Variants in CACNB4 observed in about 807,000 individuals in gnomAD.
The protein encoded by CACNB4 is voltage-dependent L-type calcium channel subunit beta-4.
CACNB4 carries 32 observed loss-of-function variants against 71.2 expected under a neutral mutation model. That is an observed-to-expected ratio of 0.45 (90% CI 0.34 to 0.60). CACNB4 has a LOEUF of 0.60. Ranked by LOEUF, CACNB4 falls within the 20% of genes least tolerant of loss-of-function variation. CACNB4 has a pLI of 0.01. For missense variants in CACNB4, 464 were observed against 647.9 expected (o/e 0.72, Z 3.08); for synonymous variants, 231 against 236.9 (o/e 0.97, Z 0.23).
intron 2 of CACNB4, among the ~76,000 whole-genome samples, chr2:152,079,175 G>A (rs1460506700): frequency 6.6e-6 from 1 of 151,968 alleles, no homozygotes; most frequent in Non-Finnish European, 1.5e-5. Flanking sequence ...TGTAAGCTCC[G>A]CCTCCCAGGT....
chr2:152,075,619 G>A (rs1248535514), intron 2 of CACNB4, among the ~76,000 whole-genome samples: 1 of 152,146 alleles, frequency 6.6e-6, no homozygotes, highest in Non-Finnish European at 1.5e-5. Flanking sequence ...CGTTTGACTT[G>A]GCCTGAGAGC....
rs368404498 is a variant in CACNB4, at chr2:152,058,052, C to T, written c.147+40278G>A. Among the ~76,000 whole-genome samples, 72 of 152,234 alleles carry T rather than the reference C, an allele frequency of 4.7e-4. 1 individual carries two copies. In the South Asian group the frequency reaches 0.015, roughly 31 times the overall value. On this transcript the variant is annotated intron_variant, in intron 2 of 13. Coordinates refer to ENST00000539935, the MANE Select transcript of CACNB4 (RefSeq NM_000726.5). ...CAAGGTCTGATGGTTTTATAAAGGG[C>T]TCTTCCCACTTTGCTCCTCACTCTT...
chr2:152,054,631 T>C, intron 2 of CACNB4, among the ~76,000 whole-genome samples: 1 of 152,202 alleles, frequency 6.6e-6, no homozygotes, highest in East Asian at 1.9e-4. Context: ...ACTCTATACT[T>C]AACCTTTTCA....
chr2:151,956,420 C>G (rs1414106737), intron 2 of CACNB4, among the ~76,000 whole-genome samples: 2 of 152,200 alleles, frequency 1.3e-5, no homozygotes, highest in African/African-American at 4.8e-5. Flanking sequence ...AAACATTATG[C>G]TAAGTGAAAG....
intron 12 of CACNB4, among the ~76,000 whole-genome samples, chr2:151,848,977 T>A (rs1314170949): frequency 6.6e-6 from 1 of 152,076 alleles, no homozygotes; most frequent in Non-Finnish European, 1.5e-5. Flanking sequence ...AGATGTATAA[T>A]GGCAATACAA....
At chr2:151,870,056 C>G (rs939884341) in intron 8 of CACNB4, 21 of 585,396 alleles carry the variant, frequency 3.6e-5, no homozygotes, top group African/African-American at 3.4e-4. Context: ...AACATGTGCC[C>G]TTTAAAATAA....
rs114650298 is a variant in CACNB4 at position 152,004,779 on chromosome 2, G to A, written c.147+93551C>T. Among the ~76,000 whole-genome samples, 337 of 152,300 alleles carry A rather than the reference G, an allele frequency of 2.2e-3. 1 individual carries two copies. Among genetic ancestry groups the A allele is most frequent in the African/African-American group, 7.5e-3 (310 of 41,564 alleles). On this transcript the variant is annotated intron_variant, in intron 2 of 13. Coordinates refer to ENST00000539935, the MANE Select transcript of CACNB4 (RefSeq NM_000726.5). ...TAGGGGAGGAGTCAGAGGCACTGTG[G>A]CAACCAGGTCACATCAGCATTCTTC...
Position 152,098,528 on chromosome 2 carries a change from C to T in CACNB4, c.64-115G>A. The T allele has an allele frequency of 7.3e-7, 1 of 1,361,070 alleles. No individual in the cohort carries two copies. Among genetic ancestry groups the T allele is most frequent in the South Asian group, 1.2e-5 (1 of 84,584 alleles). The allele number at this position is 1,361,070 out of a possible 1,614,324, so 84.3% of individuals were successfully genotyped here. ...ACCCGCTCCCTGGGGTCCCCTAGAG[C>T]CCGCACCCAAGTCTCCTCCGCGACT... On this transcript the variant is annotated intron_variant, in intron 1 of 13. Transcript: ENST00000539935. This position sits in a 1 kb window ranked among gnomAD's most constrained non-coding sequence, Gnocchi z 5.3.
At chr2:151,862,141 C>T (rs1440444488) in intron 9 of CACNB4, among the ~76,000 whole-genome samples, 1 of 152,130 alleles carries the variant, frequency 6.6e-6, no homozygotes, top group Non-Finnish European at 1.5e-5. Flanking sequence ...CACCCATTCT[C>T]TTCTGTTTTC....
chr2:151,880,628 T>C (rs1232638788), intron 4 of CACNB4, 172 bp downstream of exon 4: 2 of 660,224 alleles, frequency 3.0e-6, no homozygotes. Flanking sequence ...CAAGCAATGA[T>C]CTCAGACTTC....
intron 2 of CACNB4, among the ~76,000 whole-genome samples, chr2:151,945,891 A>G (rs1003393965): frequency 9.2e-5 from 14 of 151,774 alleles, no homozygotes; most frequent in Admixed American, 5.9e-4. Flanking sequence ...AAAAAAAAAA[A>G]AAGAATTACA....
intron 2 of CACNB4, among the ~76,000 whole-genome samples, chr2:151,961,411 C>G (rs1329930721): frequency 6.6e-6 from 1 of 152,186 alleles, no homozygotes; most frequent in Non-Finnish European, 1.5e-5. Flanking sequence ...TTATTTGCTC[C>G]TATTGCTAGA....
At chr2:152,090,260 C>G (rs955689381) in intron 2 of CACNB4, among the ~76,000 whole-genome samples, 2 of 152,228 alleles carry the variant, frequency 1.3e-5, no homozygotes, top group Non-Finnish European at 1.5e-5. Flanking sequence ...AGGGTTGACC[C>G]TGTCTGGGGC....
chr2:151,874,241 G>A (rs137963770), intron 5 of CACNB4: 3,683 of 152,174 alleles, frequency 0.024, 147 homozygotes, highest in African/African-American at 0.084. Context: ...AGTCCGAGGC[G>A]GGCAAATCAC....
At chr2:152,078,058 G>C (rs963239159) in intron 2 of CACNB4, among the ~76,000 whole-genome samples, 3 of 152,204 alleles carry the variant, frequency 2.0e-5, no homozygotes, top group African/African-American at 7.2e-5. Flanking sequence ...AGGGCAGCAG[G>C]AGGAGCGATG....
intron 2 of CACNB4, among the ~76,000 whole-genome samples, chr2:151,938,207 A>G (rs1472732781): frequency 6.6e-6 from 1 of 152,224 alleles, no homozygotes; most frequent in Non-Finnish European, 1.5e-5. Context: ...CTGTTAGTTA[A>G]TAAGGAGAGT....
intron 2 of CACNB4, among the ~76,000 whole-genome samples, chr2:152,084,289 C>T (rs187840469): frequency 5.9e-5 from 9 of 152,196 alleles, no homozygotes; most frequent in Admixed American, 2.0e-4. Flanking sequence ...CCCAGAGTTG[C>T]GAAAGTCTGG....
At chr2:151,984,082 C>A (rs897973622) in intron 2 of CACNB4, among the ~76,000 whole-genome samples, 2 of 152,162 alleles carry the variant, frequency 1.3e-5, no homozygotes, top group African/African-American at 4.8e-5. Flanking sequence ...AAAGTAATAA[C>A]CAGTCGGTCC....
intron 2 of CACNB4, among the ~76,000 whole-genome samples, chr2:152,023,190 C>T (rs1287313090): frequency 2.6e-5 from 4 of 151,948 alleles, no homozygotes; most frequent in Non-Finnish European, 5.9e-5. Flanking sequence ...CCTTATAAAA[C>T]CATCAGATCT....
Sources: gnomAD v4.1 joint callset for allele counts (sites outside exome capture counted in the v4.1 genomes callset) on GRCh38, gnomAD v4.1.1 for gene constraint, Gnocchi (gnomAD v3.1) non-coding constraint, MANE v1.5 for transcripts, NCBI Gene and HGNC (gene_info 2026-07-23, HGNC 2026-07-21) for gene names.